The following BAZ2B variants were observed in gnomAD, a reference collection of about 807,000 sequenced individuals.
BAZ2B encodes bromodomain adjacent to zinc finger domain protein 2B.
BAZ2B carries 91 observed loss-of-function variants against 246.0 expected under a neutral mutation model. That is an observed-to-expected ratio of 0.37 (90% CI 0.31 to 0.44). The LOEUF is 0.44. Ranked by LOEUF, BAZ2B falls within the 20% of genes least tolerant of loss-of-function variation. The pLI is 1.00. For missense variants in BAZ2B, 2,332 were observed against 2,533.7 expected, an observed-to-expected ratio of 0.92 and a Z score of 1.71; for synonymous variants, 855 against 860.0, an observed-to-expected ratio of 0.99 and a Z score of 0.10.
the BAZ2B span, among the ~76,000 whole-genome samples, chr2:159,666,239 TTA>T: frequency 5.5e-5 from 8 of 144,672 alleles, no homozygotes; most frequent in East Asian, 1.6e-3. Context: ...GGCCAATTTA[TTA>T]TATTTTTTTA....
At chr2:159,517,798 C>T (rs932946117) in intron 2 of BAZ2B, among the ~76,000 whole-genome samples, 1 of 152,088 alleles carries the variant, frequency 6.6e-6, no homozygotes, top group African/African-American at 2.4e-5. Context: ...TATGTCATTT[C>T]AAGGAGTATG....
At chr2:159,578,264 G>C (rs1472415468) in intron 1 of BAZ2B, among the ~76,000 whole-genome samples, 1 of 152,120 alleles carries the variant, frequency 6.6e-6, no homozygotes, top group Non-Finnish European at 1.5e-5. Flanking sequence ...AGATTGACAA[G>C]AGCTTCAAAT....
At chr2:159,493,778 T>C (rs1403196746) in intron 2 of BAZ2B, among the ~76,000 whole-genome samples, 1 of 152,210 alleles carries the variant, frequency 6.6e-6, no homozygotes, top group African/African-American at 2.4e-5. Flanking sequence ...CTAGCACAAA[T>C]TGGAAGAATT....
At chr2:159,409,256 T>G (rs2149862172) in intron 14 of BAZ2B, among the ~76,000 whole-genome samples, 1 of 152,312 alleles carries the variant, frequency 6.6e-6, no homozygotes, top group South Asian at 2.1e-4. Context: ...AGAATGTAAC[T>G]GATAACTGGC....
intron 1 of BAZ2B, among the ~76,000 whole-genome samples, chr2:159,556,292 A>T (rs1438855534): frequency 1.3e-5 from 2 of 152,222 alleles, no homozygotes; most frequent in African/African-American, 4.8e-5. Flanking sequence ...ATTAGAACCA[A>T]AATGTCATCT....
intron 1 of BAZ2B, among the ~76,000 whole-genome samples, chr2:159,567,647 C>T (rs1185585930): frequency 3.3e-5 from 5 of 152,120 alleles, no homozygotes; most frequent in African/African-American, 9.7e-5. Context: ...CAGTATTCCA[C>T]ATGTTTCAGG....
chr2:159,375,447 T>A (rs1419389953), intron 25 of BAZ2B, among the ~76,000 whole-genome samples: 1 of 152,072 alleles, frequency 6.6e-6, no homozygotes, highest in Admixed American at 6.6e-5. Flanking sequence ...ACATGAGAGG[T>A]GCATAAAGAG....
chr2:159,408,523 A>G (rs2066312464), intron 14 of BAZ2B, among the ~76,000 whole-genome samples: 1 of 152,204 alleles, frequency 6.6e-6, no homozygotes, highest in South Asian at 2.1e-4. Context: ...TTCAACTCAC[A>G]TCTTTTTACT....
chr2:159,653,784 G>T, the BAZ2B span, among the ~76,000 whole-genome samples: 1 of 152,056 alleles, frequency 6.6e-6, no homozygotes, highest in African/African-American at 2.4e-5. Flanking sequence ...AATAATAAAA[G>T]ATTTAACATG....
intron 6 of BAZ2B, among the ~76,000 whole-genome samples, chr2:159,439,750 A>G (rs1015980480): frequency 1.3e-5 from 2 of 152,198 alleles, no homozygotes. Context: ...CCATATAATA[A>G]TAAGTGCTGT....
intron 25 of BAZ2B, among the ~76,000 whole-genome samples, chr2:159,375,783 G>T (rs6718977): frequency 0.66 from 100,435 of 151,992 alleles, 35,425 homozygotes; most frequent in Non-Finnish European, 0.81. Context: ...GGCACAGAGG[G>T]GCAAGGGAGA....
intron 10 of BAZ2B, among the ~76,000 whole-genome samples, 174 bp downstream of exon 10, chr2:159,430,689 A>G (rs372220814): frequency 7.2e-5 from 11 of 152,324 alleles, no homozygotes; most frequent in African/African-American, 2.6e-4. Flanking sequence ...GGGAAAAAAA[A>G]GACCAGGTAA....
intron 20 of BAZ2B, among the ~76,000 whole-genome samples, chr2:159,395,005 T>C (rs1209702218): frequency 1.3e-5 from 2 of 152,188 alleles, no homozygotes; most frequent in Non-Finnish European, 2.9e-5. Context: ...TCCCAGCTTC[T>C]AGATCAAACA....
At chr2:159,539,096 C>T (rs950416550) in intron 2 of BAZ2B, among the ~76,000 whole-genome samples, 8 of 152,150 alleles carry the variant, frequency 5.3e-5, no homozygotes, top group African/African-American at 1.9e-4. Context: ...TTTGATGTGG[C>T]CTTTCCCACC....
chr2:159,402,935 T>C (rs966962655), intron 16 of BAZ2B, among the ~76,000 whole-genome samples: 3 of 152,226 alleles, frequency 2.0e-5, no homozygotes, highest in Non-Finnish European at 4.4e-5. Flanking sequence ...AATTATCTTC[T>C]TTTTACATAA....
At chr2:159,326,977 C>T (rs947900426) in intron 34 of BAZ2B, among the ~76,000 whole-genome samples, 2 of 152,046 alleles carry the variant, frequency 1.3e-5, no homozygotes, top group Non-Finnish European at 2.9e-5. Context: ...ACTACTATTC[C>T]CTTAACCAGA....
At chr2:159,473,434 T>G (rs1306772695) in intron 3 of BAZ2B, among the ~76,000 whole-genome samples, 1 of 152,238 alleles carries the variant, frequency 6.6e-6, no homozygotes, top group African/African-American at 2.4e-5. Flanking sequence ...TCATTTTTAT[T>G]GCATCTATTT....
chr2:159,316,031 A>G (rs1406390434), downstream of BAZ2B, among the ~76,000 whole-genome samples: 1 of 152,336 alleles, frequency 6.6e-6, no homozygotes, highest in East Asian at 1.9e-4. Flanking sequence ...ATGTCTAAAA[A>G]CCACTGTGTG....
chr2:159,405,463 G>A (rs924282665), intron 14 of BAZ2B, among the ~76,000 whole-genome samples: 3 of 151,898 alleles, frequency 2.0e-5, no homozygotes, highest in Non-Finnish European at 1.5e-5. Flanking sequence ...GCCCCGCCTC[G>A]GCCTCCCAAA....
Sources: allele counts gnomAD v4.1 joint callset (sites outside exome capture counted in the v4.1 genomes callset), GRCh38; gene constraint gnomAD v4.1.1; transcripts MANE v1.5; gene names NCBI Gene and HGNC (gene_info 2026-07-23, HGNC 2026-07-21).